The following PCDH11X variants were observed in gnomAD, a reference collection of about 807,000 sequenced individuals.
The protein encoded by PCDH11X is protocadherin 11 X-linked.
In PCDH11X, 18 loss-of-function variants were observed where a neutral mutation model predicts 53.3. That is an observed-to-expected ratio of 0.34 (90% CI 0.23 to 0.50). PCDH11X has a LOEUF of 0.50. PCDH11X is among the 20% of genes least tolerant of loss of function. The probability of loss-of-function intolerance (pLI) is 0.98; values close to 1 mark genes in which losing one functional copy is unlikely to be tolerated. For missense variants in PCDH11X, 570 were observed against 1,032.4 expected, an observed-to-expected ratio of 0.55 and a Z score of 6.14; for synonymous variants, 279 against 393.3, an observed-to-expected ratio of 0.71 and a Z score of 3.44.
chrX:91,822,531 A>G (rs1045159878), intron 4 of PCDH11X, among the ~76,000 whole-genome samples: 1 of 109,528 alleles, frequency 9.1e-6, no homozygotes. Flanking sequence ...CCCCTTTATC[A>G]TTTTTTATTG....
chrX:92,252,080 G>A (rs1442089090), intron 7 of PCDH11X, among the ~76,000 whole-genome samples: 1 of 111,003 alleles, frequency 9.0e-6, no homozygotes, highest in Non-Finnish European at 1.9e-5. Flanking sequence ...TAAAATTTAA[G>A]ATTATTGTTA....
At chrX:92,470,712 G>C (rs2073245012) in intron 10 of PCDH11X, among the ~76,000 whole-genome samples, 1 of 111,290 alleles carries the variant, frequency 9.0e-6, no homozygotes, top group African/African-American at 3.3e-5. Context: ...ATAATCATAT[G>C]ATTTTTGTCT....
chrX:92,016,901 C>G (rs770708341), intron 6 of PCDH11X, among the ~76,000 whole-genome samples: 1 of 107,263 alleles, frequency 9.3e-6, no homozygotes. Flanking sequence ...CCTCAATAAA[C>G]TTAATCATTT....
chrX:91,946,060 C>T (rs1315277255), intron 6 of PCDH11X, among the ~76,000 whole-genome samples: 2 of 109,055 alleles, frequency 1.8e-5, no homozygotes, highest in African/African-American at 3.3e-5. Flanking sequence ...GAATCCTCTC[C>T]GTGGTGAAAC....
intron 6 of PCDH11X, among the ~76,000 whole-genome samples, chrX:92,134,315 A>G (rs2065047286): frequency 9.0e-6 from 1 of 110,542 alleles, no homozygotes; most frequent in Admixed American, 9.8e-5. Flanking sequence ...TGTAACTATC[A>G]TATTTAGGAA....
chrX:92,592,899 G>A (rs1925183306), intron 10 of PCDH11X, among the ~76,000 whole-genome samples: 1 of 111,926 alleles, frequency 8.9e-6, no homozygotes, highest in South Asian at 3.7e-4. Flanking sequence ...ACACTTCTCA[G>A]TTGATGGAAC....
intron 6 of PCDH11X, among the ~76,000 whole-genome samples, chrX:92,099,393 G>A (rs1323891249): frequency 9.3e-6 from 1 of 107,470 alleles, no homozygotes; most frequent in Non-Finnish European, 1.9e-5. Context: ...GGCAGTAAAT[G>A]CCAAATAACC....
intron 9 of PCDH11X, among the ~76,000 whole-genome samples, chrX:92,439,908 A>G (rs370581466): frequency 1.9e-5 from 1 of 52,781 alleles, no homozygotes; most frequent in African/African-American, 4.4e-5. Flanking sequence ...GGGAAATTAC[A>G]TAGGAGAATG....
chrX:92,435,557 G>T (rs1448381033), intron 9 of PCDH11X, among the ~76,000 whole-genome samples: 1 of 111,451 alleles, frequency 9.0e-6, no homozygotes, highest in Non-Finnish European at 1.9e-5. Context: ...TCTACAAAGA[G>T]AATCCTTTCT....
intron 9 of PCDH11X, among the ~76,000 whole-genome samples, chrX:92,428,378 G>T (rs1327679987): frequency 9.0e-6 from 1 of 111,221 alleles, no homozygotes; most frequent in Non-Finnish European, 1.9e-5. Context: ...TTTATTGCTT[G>T]AAGATAATAG....
At chrX:91,917,769 A>G (rs1381774241) in intron 6 of PCDH11X, among the ~76,000 whole-genome samples, 2 of 107,684 alleles carry the variant, frequency 1.9e-5, no homozygotes, top group African/African-American at 6.7e-5. Context: ...TACAGATTCA[A>G]TGCCATTCCC....
intron 6 of PCDH11X, among the ~76,000 whole-genome samples, chrX:91,952,120 C>T (rs1431322393): frequency 9.0e-6 from 1 of 111,184 alleles, no homozygotes; most frequent in African/African-American, 3.3e-5. Context: ...CATGGTAATT[C>T]ACATTGTAGC....
At chrX:92,336,416 A>G (rs192302224) in intron 8 of PCDH11X, among the ~76,000 whole-genome samples, 487 of 112,100 alleles carry the variant, frequency 4.3e-3, no homozygotes, top group African/African-American at 0.014. Flanking sequence ...CTGATAACAA[A>G]TATATAAAAC....
rs1455837835 is a variant in PCDH11X, at chrX:91,848,183, T to A, written c.540+12139T>A. ...GAGCCAAAGCTCTGAGTGGTTTTTG[T>A]AAGAGAGGAATTTTTTTTTTGTTTT... is the stretch of plus-strand genomic sequence containing the variant. On this transcript the variant is annotated intron_variant, in intron 5 of 10. Transcript: ENST00000682573. Among the ~76,000 whole-genome samples the A allele has an allele frequency of 5.6e-5, 6 of 106,785 alleles. No individual in the cohort carries two copies. In the East Asian group the frequency reaches 1.8e-3, roughly 33 times the overall value. The allele number at this position is 106,785 out of a possible 115,157, so 92.7% of individuals were successfully genotyped here. A position where few individuals can be genotyped will look rare whatever the true frequency, so the allele number is the denominator to read the frequency against.
chrX:92,249,234 T>C (rs2067412135), intron 7 of PCDH11X, among the ~76,000 whole-genome samples: 1 of 111,387 alleles, frequency 9.0e-6, no homozygotes, highest in Non-Finnish European at 1.9e-5. Flanking sequence ...AGAAAGATCA[T>C]TTGTATTCTG....
chrX:92,098,636 CTTTTTTTTT>C (rs34306564), intron 6 of PCDH11X, among the ~76,000 whole-genome samples: 1 of 43,902 alleles, frequency 2.3e-5, no homozygotes, highest in Non-Finnish European at 3.7e-5. Flanking sequence ...TCCAAATGCT[CTTTTTTTTT>C]TTTTTTTTTT....
intron 6 of PCDH11X, among the ~76,000 whole-genome samples, chrX:92,061,016 G>A (rs2063516331): frequency 9.0e-6 from 1 of 111,622 alleles, no homozygotes; most frequent in Non-Finnish European, 1.9e-5. Context: ...ATTAATAATA[G>A]CCATTCTTAC....
At chrX:91,827,142 A>C (rs1054674995) in intron 4 of PCDH11X, among the ~76,000 whole-genome samples, 1 of 111,668 alleles carries the variant, frequency 9.0e-6, no homozygotes, top group African/African-American at 3.3e-5. Flanking sequence ...TTGACTTGTT[A>C]ATAGTAGCCA....
chrX:92,315,143 AAAC>A (rs2069046762), intron 8 of PCDH11X, among the ~76,000 whole-genome samples: 2 of 111,941 alleles, frequency 1.8e-5, no homozygotes, highest in South Asian at 7.4e-4. Flanking sequence ...TTGAAACACT[AAAC>A]AACTTTCAAA....
Sources: gnomAD v4.1 joint callset for allele counts (sites outside exome capture counted in the v4.1 genomes callset) on GRCh38, gnomAD v4.1.1 for gene constraint, MANE v1.5 for transcripts, NCBI Gene and HGNC (gene_info 2026-07-23, HGNC 2026-07-21) for gene names.